UNC5D: variants seen among roughly 807,000 people sequenced by gnomAD.
UNC5D encodes the protein netrin receptor UNC5D.
A neutral mutation model predicts 105.4 loss-of-function variants in UNC5D; 39 were observed. The ratio of observed to expected loss-of-function variants is 0.37; its 90% confidence interval spans 0.29 to 0.48. The LOEUF is 0.48. Among genes scored for constraint, UNC5D ranks in the 20% least tolerant of loss-of-function variants. UNC5D has a pLI of 0.98. For missense variants in UNC5D, 991 were observed against 1,202.4 expected (o/e 0.82, Z 2.60); for synonymous variants, 452 against 450.4 (o/e 1.00, Z -0.04).
chr8:35,596,572 T>C (rs1431243390), intron 4 of UNC5D, among the ~76,000 whole-genome samples: 1 of 152,116 alleles, frequency 6.6e-6, no homozygotes, highest in African/African-American at 2.4e-5. Flanking sequence ...ATGTGCCCAA[T>C]GTGGTCAGAG....
intron 1 of UNC5D, among the ~76,000 whole-genome samples, chr8:35,386,614 G>A (rs1803415130): frequency 6.6e-6 from 1 of 152,196 alleles, no homozygotes; most frequent in Non-Finnish European, 1.5e-5. Flanking sequence ...CGGAATCTCT[G>A]ACCTATGAAA....
chr8:35,671,741 G>A (rs530404631), intron 4 of UNC5D, among the ~76,000 whole-genome samples: 2 of 152,108 alleles, frequency 1.3e-5, no homozygotes, highest in African/African-American at 4.8e-5. Flanking sequence ...TCAGCTGAGG[G>A]GAAACTTGGA....
chr8:35,387,759 G>A (rs1803500521), intron 1 of UNC5D, among the ~76,000 whole-genome samples: 1 of 152,140 alleles, frequency 6.6e-6, no homozygotes, highest in Non-Finnish European at 1.5e-5. Context: ...GTAGGATTTA[G>A]GAGTACAGGT....
intron 1 of UNC5D, among the ~76,000 whole-genome samples, chr8:35,494,821 G>C (rs148115332): frequency 0.013 from 1,979 of 152,102 alleles, 22 homozygotes; most frequent in Middle Eastern, 0.058. Flanking sequence ...TAATTCTATC[G>C]TGTGAAAAAG....
Position 35,731,098 on chromosome 8 carries a change from TGA to T in UNC5D, c.1766+7_1766+8del. The T allele has an allele frequency of 6.2e-7, 1 of 1,613,596 alleles. No homozygotes were observed. The highest frequency in any genetic ancestry group is 8.5e-7 in the Non-Finnish European group (1 of 1,179,676). ...GTCCATCAACCAAGGTGAACCCAGG[TGA>T]GAGACAGAGAATAGCATATTAAAGA... On this transcript the variant is annotated splice_donor_region_variant and intron_variant, in intron 11 of 16. Coordinates refer to ENST00000404895, the MANE Select transcript of UNC5D (RefSeq NM_080872.4).
At chr8:35,676,809 T>C (rs1456392147) in intron 4 of UNC5D, among the ~76,000 whole-genome samples, 2 of 152,100 alleles carry the variant, frequency 1.3e-5, no homozygotes, top group Admixed American at 1.3e-4. Context: ...GGCATTGAGC[T>C]CCTCTTTGTG....
intron 4 of UNC5D, among the ~76,000 whole-genome samples, chr8:35,656,462 T>G (rs1823743310): frequency 6.6e-6 from 1 of 152,112 alleles, no homozygotes. Context: ...GATTAAATAT[T>G]ATTTTCCCCA....
At chr8:35,457,593 G>A (rs1037233901) in intron 1 of UNC5D, among the ~76,000 whole-genome samples, 7 of 152,256 alleles carry the variant, frequency 4.6e-5, no homozygotes, top group Admixed American at 6.6e-5. Context: ...TTTGATGTGG[G>A]TGCTACCTGG....
At chr8:35,480,189 T>C (rs759180021) in intron 1 of UNC5D, among the ~76,000 whole-genome samples, 1 of 152,174 alleles carries the variant, frequency 6.6e-6, no homozygotes, top group Non-Finnish European at 1.5e-5. Context: ...AATTCCCCTA[T>C]ATTTACTCTT....
At chr8:35,235,918 G>T (rs1802424367) in intron 1 of UNC5D, 31 bp downstream of exon 1, 2 of 1,225,606 alleles carry the variant, frequency 1.6e-6, no homozygotes, top group East Asian at 6.4e-5. Flanking sequence ...GCAGCTGGGG[G>T]CGAGGGCGCA....
chr8:35,748,665 AAAG>A lies in UNC5D; in HGVS notation c.1910_1912del (p.Lys637del). Reference sequence around the variant, plus strand: ...GTTCTGAGCATTGGAATATCCATTTAAAGAAGAGGACACAGCAGGGCAAATGGG... The same window carrying A: ...GTTCTGAGCATTGGAATATCCATTTAAAGAGGACACAGCAGGGCAAATGGG... On this transcript the variant is annotated inframe_deletion, in exon 12 of 17. Coordinates refer to ENST00000404895, the MANE Select transcript of UNC5D (RefSeq NM_080872.4). 1 of 1,613,856 alleles carries A rather than the reference AAAG, an allele frequency of 6.2e-7. No homozygotes were observed. Among genetic ancestry groups the A allele is most frequent in the Non-Finnish European group, 8.5e-7 (1 of 1,179,852 alleles).
chr8:35,372,702 G>A (rs959193360), intron 1 of UNC5D, among the ~76,000 whole-genome samples: 2 of 151,546 alleles, frequency 1.3e-5, no homozygotes, highest in African/African-American at 4.9e-5. Flanking sequence ...TTTATGAGCT[G>A]AAGAAATTCT....
At chr8:35,510,387 G>T (rs1469510686) in intron 1 of UNC5D, among the ~76,000 whole-genome samples, 1 of 147,352 alleles carries the variant, frequency 6.8e-6, no homozygotes, top group Non-Finnish European at 1.5e-5. Flanking sequence ...AGGGAACAAA[G>T]ACCAAATATG....
intron 1 of UNC5D, among the ~76,000 whole-genome samples, chr8:35,500,243 G>A (rs563344214): frequency 8.5e-5 from 13 of 152,256 alleles, no homozygotes; most frequent in African/African-American, 3.1e-4. Flanking sequence ...AGCATCTGTT[G>A]AGGGCCTTCC....
At chr8:35,756,055 A>G (rs1335767630) in intron 13 of UNC5D, among the ~76,000 whole-genome samples, 1 of 152,188 alleles carries the variant, frequency 6.6e-6, no homozygotes, top group Admixed American at 6.5e-5. Context: ...TTTGGAGAGT[A>G]TTTTAAAGCT....
At chr8:35,772,274 G>A (rs1802043894) in intron 15 of UNC5D, among the ~76,000 whole-genome samples, 1 of 152,104 alleles carries the variant, frequency 6.6e-6, no homozygotes, top group Admixed American at 6.5e-5. Flanking sequence ...AATGCATTGT[G>A]TTTCCAAAAA....
intron 7 of UNC5D, among the ~76,000 whole-genome samples, chr8:35,697,369 T>C (rs1586464610): frequency 6.6e-6 from 1 of 151,710 alleles, no homozygotes; most frequent in East Asian, 1.9e-4. Context: ...TATTTTTTAA[T>C]GAGTTTTGAG....
chr8:35,336,091 TCACATATTAAAATG>T (rs1310009528), intron 1 of UNC5D, among the ~76,000 whole-genome samples: 1 of 152,110 alleles, frequency 6.6e-6, no homozygotes. Context: ...AAGACTCTAT[TCACATATTAAAATG>T]CACAGGATGT....
chr8:35,512,809 A>G (rs958589157), intron 1 of UNC5D, among the ~76,000 whole-genome samples: 1 of 151,782 alleles, frequency 6.6e-6, no homozygotes, highest in East Asian at 1.9e-4. Context: ...ATAAAAATTT[A>G]TAAATCAAAT....
Sources: allele counts gnomAD v4.1 joint callset (sites outside exome capture counted in the v4.1 genomes callset), GRCh38; gene constraint gnomAD v4.1.1; transcripts MANE v1.5; gene names NCBI Gene and HGNC (gene_info 2026-07-23, HGNC 2026-07-21).